TTN: variants seen among roughly 807,000 people sequenced by gnomAD.
TTN encodes titin, also known as connectin.
TTN carries 1,525 observed loss-of-function variants against 3,223.0 expected under a neutral mutation model. The ratio of observed to expected loss-of-function variants is 0.47; its 90% CI spans 0.45 to 0.49. The LOEUF (loss-of-function observed/expected upper bound fraction) is 0.49. Among genes scored for constraint, TTN ranks in the 20% least tolerant of loss-of-function variants. The pLI, the probability that TTN is intolerant of heterozygous loss-of-function variation, is 0.00. For missense variants in TTN, 40,786 were observed against 43,424.0 expected (o/e 0.94, Z 5.40); for synonymous variants, 14,094 against 15,161.0 (o/e 0.93, Z 5.17).
In TTN at chr2:178,721,075, T is replaced by C; in HGVS notation, c.22944A>G (p.Glu7648=). The C allele has an allele frequency of 6.2e-7, 1 of 1,613,274 alleles. No homozygotes were observed. The highest frequency in any genetic ancestry group is 2.2e-5 in the East Asian group (1 of 44,864). The change falls in exon 79 of 363, where the codon GAA becomes GAG. Residue 7648 remains glutamate (E), a synonymous_variant. Coordinates refer to ENST00000589042, the MANE Select transcript of TTN (RefSeq NM_001267550.2). ...TGTTGTATTTCCAACTTTCATGAAG[T>C]TCGCTGTCATTTCGGAACCATGAAA... is the stretch of plus-strand genomic sequence containing the variant. ...IKVSWFRNDS[E]LHESWKYNMS... is the part of the protein sequence containing the mutation.
rs769311670 is a variant in TTN at position 178,533,075 on chromosome 2, C to T, written c.103540G>A (p.Val34514Ile). 1.2e-5 allele frequency: 20 copies of T among 1,613,962 alleles called. No individual in the cohort carries two copies. The highest frequency in any genetic ancestry group is 1.6e-4 in the Middle Eastern group (1 of 6,062). The change falls in exon 358 of 363, where the codon GTA (valine) becomes ATA (isoleucine). Residue 34514 changes from valine to isoleucine, a missense_variant. By Grantham distance (29) the Val-to-Ile change is conservative. Coordinates refer to ENST00000589042, the MANE Select transcript of TTN (RefSeq NM_001267550.2). ...REAAVLYKPA[V>I]STKTVKGEFR... ...TCCCCTTTTACAGTCTTGGTGCTTACAGCCGGTTTATAAAGGACAGCAGCT... is the reference window on the plus strand; with the variant it reads ...TCCCCTTTTACAGTCTTGGTGCTTATAGCCGGTTTATAAAGGACAGCAGCT...
Position 178,727,637 on chromosome 2 carries a change from A to C in TTN, c.19941T>G (p.His6647Gln), listed in dbSNP as rs565190478. ...AGTCGCTACCAACATCATTGGTAAC[A>C]TGGCAAGTATACTGTCCAGTCTTAG... is the stretch of plus-strand genomic sequence containing the variant. ...DASKTGQYTC[H>Q]VTNDVGSDSC... is the part of the protein sequence containing the mutation. The change falls in exon 68 of 363, where the codon CAT becomes CAG. Residue 6647 changes from histidine (H) to glutamine (Q), a missense_variant. Coordinates refer to ENST00000589042, the MANE Select transcript of TTN (RefSeq NM_001267550.2). 3.1e-6 allele frequency: 5 copies of C among 1,601,800 alleles called. No homozygotes were observed. The highest frequency in any genetic ancestry group is 4.3e-6 in the Non-Finnish European group (5 of 1,174,434).
chr2:178,559,239 A>G, intron 326 of TTN, 72 bp downstream of exon 326: 1 of 1,355,004 alleles, frequency 7.4e-7, no homozygotes, highest in Admixed American at 2.3e-5. Context: ...AATAACGACT[A>G]ATTAGAATGA....
chr2:178,539,976 AAGGT>A lies in TTN; in HGVS notation c.98099-14_98099-11del, dbSNP rs760489128. On this transcript the variant is annotated splice_polypyrimidine_tract_variant and intron_variant, in intron 351 of 362. Coordinates refer to ENST00000589042, the MANE Select transcript of TTN (RefSeq NM_001267550.2). ...TCATAATCAGGATATTCTGGAAAAA[AAGGT>A]AGGGTTTCAATTTAGCATTTGGGGT... 4 of 1,609,912 alleles carry A rather than the reference AAGGT, an allele frequency of 2.5e-6. No homozygotes were observed. Among genetic ancestry groups the A allele is most frequent in the Admixed American group, 1.7e-5 (1 of 59,772 alleles).
intron 320 of TTN, 44 bp from the exon 321 acceptor site, chr2:178,578,759 CT>C (rs1161230993): frequency 2.5e-6 from 4 of 1,604,626 alleles, no homozygotes; most frequent in Non-Finnish European, 3.4e-6. Flanking sequence ...AAGAAGCCTC[CT>C]CAAAACCGTG....
In TTN at chr2:178,620,214, T is replaced by A. The variant is rs866285912; in HGVS notation, c.46304+3A>T. 7 of 1,539,936 alleles carry A rather than the reference T, an allele frequency of 4.5e-6. No individual in the cohort carries two copies. The Middle Eastern group carries it at 1.2e-3, about 271-fold the overall frequency. On this transcript the variant is annotated splice_donor_region_variant and intron_variant, in intron 248 of 362. Coordinates refer to ENST00000589042, the MANE Select transcript of TTN (RefSeq NM_001267550.2). The stretch of plus-strand genomic sequence containing the variant: ...AAATAGAGAATAAAAAGATCTTGCT[T>A]ACTTTTTGCCTTCTTTGATTTCTCT...
chr2:178,604,144 T>G lies in TTN; in HGVS notation c.54543A>C (p.Gly18181=). The G allele has an allele frequency of 6.2e-7, 1 of 1,612,414 alleles. No individual in the cohort carries two copies. Among genetic ancestry groups the G allele is most frequent in the Non-Finnish European group, 8.5e-7 (1 of 1,179,010 alleles). Residue 18181 remains glycine, a synonymous_variant, in exon 282 of 363, where the codon GGA becomes GGC. Coordinates refer to ENST00000589042, the MANE Select transcript of TTN (RefSeq NM_001267550.2). ...GAGGAGTCCAGCTCACTAGCATTGA[T>G]CCTTTGGTGCGTGCCAAAACTTTTG... is the stretch of plus-strand genomic sequence containing the variant. ...GKPKVLARTK[G]SMLVSWTPPL...
rs1477246606 is a variant in TTN at position 178,587,413 on chromosome 2, A to G, written c.63798T>C (p.Thr21266=). The part of the protein sequence containing the change: ...AVFVNVRVLD[T]PGPVSDLKVS... ...CTTTTAAATCAGACACAGGCCCAGG[A>G]GTGTCTGTAAAGAATCATAAAATCA... Residue 21266 remains threonine, a synonymous_variant, in exon 307 of 363, where the codon ACT becomes ACC. Coordinates refer to ENST00000589042, the MANE Select transcript of TTN (RefSeq NM_001267550.2). The G allele has an allele frequency of 1.2e-6, 2 of 1,607,608 alleles. No individual in the cohort carries two copies. Among genetic ancestry groups the G allele is most frequent in the South Asian group, 2.2e-5 (2 of 90,188 alleles).
Position 178,675,865 on chromosome 2 carries a change from T to A in TTN, c.34453+56A>T, listed in dbSNP as rs1360413565. On this transcript the variant is annotated intron_variant, in intron 148 of 362. Coordinates refer to ENST00000589042, the MANE Select transcript of TTN (RefSeq NM_001267550.2). ...AAATACGGAAACAGGACATTTTGAC[T>A]TTTATAGGAGAAGGAAGGAAATGGC... The A allele has an allele frequency of 3.5e-5, 54 of 1,562,454 alleles. 1 individual carries two copies. The Admixed American group carries it at 1.0e-3, about 30-fold the overall frequency.
At position 178,704,767 on chromosome 2, in the gene TTN, A is replaced by C. The variant is rs1430193759; in HGVS notation, c.29705T>G (p.Leu9902Arg). Residue 9902 changes from leucine to arginine, a missense_variant, in exon 105 of 363, where the codon CTG becomes CGG. By Grantham distance (102) the Leu-to-Arg change is moderately radical. Coordinates refer to ENST00000589042, the MANE Select transcript of TTN (RefSeq NM_001267550.2). The part of the protein sequence containing the change: ...QRLSQTEPVT[L>R]IKDIENQTVL... ...TGTCTGATTTTCAATGTCCTTGATC[A>C]GAGTGACAGGCTAGGAGAATAAAGA... 6.2e-7 allele frequency: 1 copy of C among 1,609,626 alleles called. No homozygotes were observed. Among genetic ancestry groups the C allele is most frequent in the Non-Finnish European group, 8.5e-7 (1 of 1,178,940 alleles).
chr2:178,579,655 A>G lies in TTN; in HGVS notation c.67542T>C (p.Thr22514=). 1 of 1,613,340 alleles carries G rather than the reference A, an allele frequency of 6.2e-7. No homozygotes were observed. The highest frequency in any genetic ancestry group is 1.3e-5 in the African/African-American group (1 of 74,978). ...LSLQYSAKDL[T]EGKEYTFRVS... is the part of the protein sequence containing the mutation. ...CTCTGAAGGTATATTCCTTCCCTTC[A>G]GTCAAATCTTTTGCAGAGTACTGTA... is the stretch of plus-strand genomic sequence containing the variant. Residue 22514 remains threonine, a synonymous_variant, in exon 319 of 363, where the codon ACT becomes ACC. Coordinates refer to ENST00000589042, the MANE Select transcript of TTN (RefSeq NM_001267550.2).
At position 178,636,132 on chromosome 2, in the gene TTN, C is replaced by T. The variant is rs370755303; in HGVS notation, c.41439G>A (p.Arg13813=). 1.2e-6 allele frequency: 2 copies of T among 1,613,072 alleles called. No individual in the cohort carries two copies. Among genetic ancestry groups the T allele is most frequent in the African/African-American group, 2.7e-5 (2 of 74,892 alleles). ...TCTCCACCACAATCTTGCCATCCTTCCTCCAGACCACGTCACGCTCTTTGT... is the reference window on the plus strand; with the variant it reads ...TCTCCACCACAATCTTGCCATCCTTTCTCCAGACCACGTCACGCTCTTTGT... ...ELNKERDVVW[R]KDGKIVVEKP... The change falls in exon 226 of 363, where the codon AGG becomes AGA. Residue 13813 remains arginine, a synonymous_variant. Transcript: ENST00000589042. The surrounding 1 kb of genome is among the most constrained non-coding windows in gnomAD (Gnocchi z 4.3).
rs957728294 is a variant in TTN at position 178,593,135 on chromosome 2, G to C, written c.59035+38C>G. 5 of 1,610,102 alleles carry C rather than the reference G, an allele frequency of 3.1e-6. No individual in the cohort carries two copies. The African/African-American group carries it at 6.7e-5, about 22-fold the overall frequency. ...TAGCATATAGCTGAAAACAAAGTTA[G>C]ATAACATGAAAACTGAATAAATCCA... On this transcript the variant is annotated intron_variant, in intron 299 of 362. Transcript: ENST00000589042.
Position 178,530,896 on chromosome 2 carries a change from C to T in TTN, c.105719G>A (p.Arg35240Gln), listed in dbSNP as rs530537991. The T allele has an allele frequency of 5.0e-5, 80 of 1,613,494 alleles. No individual in the cohort carries two copies. Among genetic ancestry groups the T allele is most frequent in the South Asian group, 3.2e-4 (29 of 91,040 alleles). Reference sequence around the variant, plus strand: ...CTTAACTGCTTCTGGGGATTTCACCCGAGGCTCTGGGGATTTGACTCTTGG... The same window carrying T: ...CTTAACTGCTTCTGGGGATTTCACCTGAGGCTCTGGGGATTTGACTCTTGG... ...SPPRVKSPEP[R>Q]VKSPEAVKSP... is the part of the protein sequence containing the mutation. Residue 35240 changes from arginine (R) to glutamine (Q), a missense_variant, in exon 358 of 363, where the codon CGG (arginine) becomes CAG (glutamine). Physicochemically the swap from Arg to Gln is conservative, Grantham distance 43. Coordinates refer to ENST00000589042, the MANE Select transcript of TTN (RefSeq NM_001267550.2).
In TTN at chr2:178,619,627, G is replaced by A. The variant is rs746775613; in HGVS notation, c.46690C>T (p.Leu15564=). ...TTAAAATAAAGGGACTGACCTGCCAGTTCAAGCTTAGCTCTGGCTTCTTTG... is the reference window on the plus strand; with the variant it reads ...TTAAAATAAAGGGACTGACCTGCCAATTCAAGCTTAGCTCTGGCTTCTTTG... ...KDKEARAKLE[L]AAAPKIKTAD... Residue 15564 remains leucine, a synonymous_variant, in exon 250 of 363, where the codon CTG becomes TTG. Coordinates refer to ENST00000589042, the MANE Select transcript of TTN (RefSeq NM_001267550.2). 9.9e-6 allele frequency: 16 copies of A among 1,611,596 alleles called. No individual in the cohort carries two copies. Among genetic ancestry groups the A allele is most frequent in the Non-Finnish European group, 1.3e-5 (15 of 1,178,656 alleles).
At position 178,651,643 on chromosome 2, in the gene TTN, GAGTT is replaced by G. The variant is rs1244841627; in HGVS notation, c.39463+19_39463+22del. The G allele has an allele frequency of 7.4e-6, 12 of 1,612,672 alleles. No individual in the cohort carries two copies. The highest frequency in any genetic ancestry group is 1.0e-5 in the Non-Finnish European group (12 of 1,179,358). On this transcript the variant is annotated intron_variant, in intron 206 of 362. Transcript: ENST00000589042. The stretch of plus-strand genomic sequence containing the variant: ...ACTTCAAAGAAAGTTTTTTGTTAGG[GAGTT>G]AGTGGCAGTGAGGAATACCTTTCAC...
In TTN at chr2:178,604,264, G is replaced by A; in HGVS notation, c.54423C>T (p.Val18141=). The stretch of plus-strand genomic sequence containing the variant: ...TGATTCCATATTTATTCACTGCCCT[G>A]ACTCGGAACTCATACTGACCATTGG... ...LIPNGQYEFR[V]RAVNKYGISD... Residue 18141 remains valine, a synonymous_variant, in exon 282 of 363, where the codon GTC becomes GTT. Coordinates refer to ENST00000589042, the MANE Select transcript of TTN (RefSeq NM_001267550.2). The A allele has an allele frequency of 6.4e-7, 1 of 1,559,584 alleles. No homozygotes were observed. The highest frequency in any genetic ancestry group is 8.7e-7 in the Non-Finnish European group (1 of 1,151,274).
chr2:178,597,890 G>A lies in TTN; in HGVS notation c.57262+18C>T. ...TGAAACATAAATACTGATGGCATAAGGAAGGATTGATAATTACCAAGTCTG... is the reference window on the plus strand; with the variant it reads ...TGAAACATAAATACTGATGGCATAAAGAAGGATTGATAATTACCAAGTCTG... On this transcript the variant is annotated intron_variant, in intron 293 of 362. Coordinates refer to ENST00000589042, the MANE Select transcript of TTN (RefSeq NM_001267550.2). The A allele has an allele frequency of 6.2e-7, 1 of 1,612,834 alleles. No individual in the cohort carries two copies. Among genetic ancestry groups the A allele is most frequent in the East Asian group, 2.2e-5 (1 of 44,680 alleles).
chr2:178,712,467 A>G lies in TTN; in HGVS notation c.27455T>C (p.Val9152Ala). ...SVTWKKNGIN[V>A]TPSQRCNITT... is the part of the protein sequence containing the mutation. ...TATATTACACCTCTGAGAAGGAGTT[A>G]CATTTATGCCATTTTTCTTCCAGGT... The change falls in exon 95 of 363, where the codon GTA (valine) becomes GCA (alanine). Residue 9152 changes from valine (V) to alanine (A), a missense_variant. Physicochemically the swap from Val to Ala is moderately conservative, Grantham distance 64 (BLOSUM62 0). Transcript: ENST00000589042. The G allele has an allele frequency of 6.2e-7, 1 of 1,613,804 alleles. No homozygotes were observed. The highest frequency in any genetic ancestry group is 1.1e-5 in the South Asian group (1 of 91,078).
Sources: gnomAD v4.1 joint callset for allele counts on GRCh38, gnomAD v4.1.1 for gene constraint, Gnocchi (gnomAD v3.1) non-coding constraint, MANE v1.5 for transcripts, NCBI Gene and HGNC (gene_info 2026-07-23, HGNC 2026-07-21) for gene names.